Variants in REXO2 observed in about 807,000 individuals in gnomAD.
The protein encoded by REXO2 is RNA exonuclease 2, also known as oligoribonuclease, mitochondrial.
REXO2 carries 17 observed loss-of-function variants against 30.9 expected under a neutral mutation model. The ratio of observed to expected loss-of-function variants is 0.55; its 90% confidence interval spans 0.38 to 0.82. REXO2 has a LOEUF of 0.82. Among genes scored for constraint, REXO2 ranks in the 40% least tolerant of loss-of-function variants. The probability of loss-of-function intolerance (pLI) is 0.00; values close to 1 mark genes in which losing one functional copy is unlikely to be tolerated. For missense variants in REXO2, 253 were observed against 293.2 expected (o/e 0.86, Z 1.00); for synonymous variants, 105 against 99.6 (o/e 1.05, Z -0.32).
chr11:114,448,511 C>G (rs764677011), intron 6 of REXO2, among the ~76,000 whole-genome samples: 17 of 152,152 alleles, frequency 1.1e-4, no homozygotes, highest in Non-Finnish European at 1.9e-4. Flanking sequence ...AGACCAATCC[C>G]TAAAGAGTCT....
Position 114,446,062 on chromosome 11 carries a change from G to A in REXO2, c.505G>A (p.Val169Met), listed in dbSNP as rs1465063622. 1.3e-6 allele frequency: 2 copies of A among 1,597,282 alleles called. No homozygotes were observed. The highest frequency in any genetic ancestry group is 1.7e-5 in the Admixed American group (1 of 59,396). The change falls in exon 5 of 7, where the codon GTG (valine) becomes ATG (methionine). Residue 169 changes from valine (V) to methionine (M), a missense_variant. Val to Met is a conservative substitution (Grantham distance 21). Coordinates refer to ENST00000265881, the MANE Select transcript of REXO2 (RefSeq NM_015523.4). The stretch of plus-strand genomic sequence containing the variant: ...ACATCTTCATTATAGAATAATTGAT[G>A]TGAGCACTGTTAAAGAACTGTGCAG... The part of the protein sequence containing the change: ...MKHLHYRIID[V>M]STVKELCRRW...
chr11:114,447,128 CG>C (rs1351420154), intron 5 of REXO2, among the ~76,000 whole-genome samples: 1 of 151,846 alleles, frequency 6.6e-6, no homozygotes, highest in Non-Finnish European at 1.5e-5. Flanking sequence ...TTAGTAGAGA[CG>C]GGGTTTCACC....
rs1291133613 is a variant in REXO2 at position 114,439,513 on chromosome 11, C to G, written c.-16C>G. On this transcript the variant is annotated 5_prime_UTR_variant, in exon 1 of 7. Coordinates refer to ENST00000265881, the MANE Select transcript of REXO2 (RefSeq NM_015523.4). ...GCCGGCTGCGAGACTGGGGCCGTGG[C>G]TGCTGGTCCCGGGTGATGCTAGGCG... 1 of 1,602,844 alleles carries G rather than the reference C, an allele frequency of 6.2e-7. No individual in the cohort carries two copies. Among genetic ancestry groups the G allele is most frequent in the South Asian group, 1.1e-5 (1 of 90,870 alleles).
intron 2 of REXO2, among the ~76,000 whole-genome samples, chr11:114,443,054 A>G (rs1339701093): frequency 2.6e-5 from 4 of 151,900 alleles, no homozygotes; most frequent in Non-Finnish European, 4.4e-5. Flanking sequence ...ACAAGTGTAA[A>G]TGAAATCATA....
chr11:114,444,435 T>A, intron 3 of REXO2, 106 bp from the exon 4 acceptor site: 1 of 779,442 alleles, frequency 1.3e-6, no homozygotes, highest in South Asian at 1.5e-5. Flanking sequence ...ATGGTCTATT[T>A]GTGGTTATAT....
chr11:114,444,240 G>A, intron 3 of REXO2: 1 of 613,458 alleles, frequency 1.6e-6, no homozygotes, highest in Non-Finnish European at 3.0e-6. Flanking sequence ...AGAGAAGGGG[G>A]ATTGCTGCTC....
At chr11:114,442,453 A>G (rs1946485133) in intron 2 of REXO2, among the ~76,000 whole-genome samples, 2 of 152,102 alleles carry the variant, frequency 1.3e-5, no homozygotes, top group Non-Finnish European at 2.9e-5. Context: ...TATCCAAGCA[A>G]AATTTTTTGT....
intron 3 of REXO2, 84 bp from the exon 4 acceptor site, chr11:114,444,457 A>T: frequency 2.1e-6 from 2 of 958,936 alleles, no homozygotes; most frequent in Non-Finnish European, 3.4e-6. Flanking sequence ...TGCCCATTTT[A>T]AAAGTGAAAT....
chr11:114,444,675 T>C, intron 4 of REXO2, 23 bp downstream of exon 4: 1 of 1,451,340 alleles, frequency 6.9e-7, no homozygotes, highest in Non-Finnish European at 9.3e-7. Context: ...CCTGTGTATA[T>C]CTTATAGTCT....
intron 2 of REXO2, 158 bp downstream of exon 2, chr11:114,440,897 G>T (rs758587361): frequency 4.0e-6 from 2 of 498,310 alleles, no homozygotes; most frequent in Non-Finnish European, 7.0e-6. Flanking sequence ...TAGAACCAAA[G>T]TAATCCATCT....
rs768035504 is a variant in REXO2 at position 114,444,485 on chromosome 11, T to C, written c.310-56T>C. ...AGTGAAATTTCATTTCTGGATGCCT[T>C]TGAAAACTGACTTTACATGTGTTTT... is the stretch of plus-strand genomic sequence containing the variant. On this transcript the variant is annotated intron_variant, in intron 3 of 6. Coordinates refer to ENST00000265881, the MANE Select transcript of REXO2 (RefSeq NM_015523.4). 1.3e-5 allele frequency: 17 copies of C among 1,308,626 alleles called. No homozygotes were observed. The Admixed American group carries it at 2.4e-4, about 19-fold the overall frequency. 81.1% of individuals were successfully genotyped at this position (1,308,626 alleles called of 1,614,324 possible).
In REXO2 at chr11:114,444,612, T is replaced by G; in HGVS notation, c.381T>G (p.Phe127Leu). Reference protein sequence around the residue: ...LQQAEYEFLSFVRQQTPPGLC... With the variant: ...LQQAEYEFLSLVRQQTPPGLC... ...AGGCAGAGTATGAATTTCTGTCCTT[T>G]GTACGACAGCAGACTCCTCCAGGGC... Residue 127 changes from phenylalanine to leucine, a missense_variant, in exon 4 of 7, where the codon TTT (phenylalanine) becomes TTG (leucine). Transcript: ENST00000265881. 1 of 1,610,454 alleles carries G rather than the reference T, an allele frequency of 6.2e-7. No individual in the cohort carries two copies. The highest frequency in any genetic ancestry group is 2.2e-5 in the East Asian group (1 of 44,808).
rs574615729 is a variant in REXO2, at chr11:114,449,983, TATC to T, written c.*11_*13del. 1.3e-4 allele frequency: 208 copies of T among 1,588,036 alleles called. No homozygotes were observed. The Middle Eastern group carries it at 1.5e-3, about 11-fold the overall frequency. ...GAGAAGACCGTGAGTTGATGCCAGTTATCATGCTGCCACTACATCGTTATCTGG... is the reference window on the plus strand; with the variant it reads ...GAGAAGACCGTGAGTTGATGCCAGTTATGCTGCCACTACATCGTTATCTGG... On this transcript the variant is annotated 3_prime_UTR_variant, in exon 7 of 7. Coordinates refer to ENST00000265881, the MANE Select transcript of REXO2 (RefSeq NM_015523.4).
At chr11:114,441,737 C>A in intron 2 of REXO2, 1 of 702,128 alleles carries the variant, frequency 1.4e-6, no homozygotes, top group South Asian at 1.5e-5. Flanking sequence ...GTTTGTTTTG[C>A]TGTGTAGGTA....
intron 1 of REXO2, chr11:114,439,884 A>C: frequency 1.7e-6 from 1 of 600,022 alleles, no homozygotes; most frequent in Non-Finnish European, 2.9e-6. Flanking sequence ...TTCTTTCCAC[A>C]AGGGAGGAGT....
chr11:114,446,281 A>G (rs1394575028), intron 5 of REXO2, 194 bp downstream of exon 5: 1 of 391,810 alleles, frequency 2.6e-6, no homozygotes, highest in African/African-American at 2.1e-5. Flanking sequence ...AACGTCAGAC[A>G]TGTTCCCAGT....
At chr11:114,444,329 A>T in intron 3 of REXO2, 1 of 631,938 alleles carries the variant, frequency 1.6e-6, no homozygotes, top group Non-Finnish European at 2.9e-6. Flanking sequence ...TGGACATGCT[A>T]TTAACAGTCA....
chr11:114,446,666 T>G (rs1398780815), intron 5 of REXO2, among the ~76,000 whole-genome samples: 1 of 152,080 alleles, frequency 6.6e-6, no homozygotes, highest in Non-Finnish European at 1.5e-5. Context: ...CAGACAGAAG[T>G]ATAAGAATGT....
At chr11:114,439,822 G>C (rs1163138370) in intron 1 of REXO2, 147 bp downstream of exon 1, 1 of 963,358 alleles carries the variant, frequency 1.0e-6, no homozygotes, top group East Asian at 2.8e-5. Flanking sequence ...TGCAGGGCAA[G>C]TCCGGAGGCA....
Sources: gnomAD v4.1 joint callset for allele counts (sites outside exome capture counted in the v4.1 genomes callset) on GRCh38, gnomAD v4.1.1 for gene constraint, MANE v1.5 for transcripts, NCBI Gene and HGNC (gene_info 2026-07-23, HGNC 2026-07-21) for gene names.